The following BEND5 variants were observed in gnomAD, a reference collection of about 807,000 sequenced individuals.
BEND5 encodes the protein BEN domain-containing protein 5.
In BEND5, 22 loss-of-function variants were observed where a neutral mutation model predicts 43.9. That is an observed-to-expected ratio of 0.50 (90% CI 0.36 to 0.72). The LOEUF is 0.72. BEND5 is among the 30% of genes least tolerant of loss of function. The pLI is 0.00. For synonymous variants in BEND5, 228 were observed against 225.9 expected (o/e 1.01, Z -0.08); for missense variants, 428 against 550.6 (o/e 0.78, Z 2.23).
At chr1:48,737,289 G>GAAAAAAGA (rs1649225313) in intron 4 of BEND5, among the ~76,000 whole-genome samples, 1 of 150,964 alleles carries the variant, frequency 6.6e-6, no homozygotes, top group Non-Finnish European at 1.5e-5. Context: ...GTCTCAAAAA[G>GAAAAAAGA]AAAAAAGAAA....
At chr1:48,744,463 G>A (rs564243012) in intron 3 of BEND5, among the ~76,000 whole-genome samples, 1 of 152,256 alleles carries the variant, frequency 6.6e-6, no homozygotes, top group East Asian at 1.9e-4. Context: ...AGCTGAGTTG[G>A]CGTGTGAAGT....
intron 5 of BEND5, among the ~76,000 whole-genome samples, chr1:48,734,420 C>G (rs904411653): frequency 3.3e-5 from 5 of 152,194 alleles, no homozygotes; most frequent in African/African-American, 1.2e-4. Context: ...CATCTCTCAC[C>G]AAGAGCACTG....
chr1:48,754,422 A>T (rs1233863727), intron 3 of BEND5, among the ~76,000 whole-genome samples: 6 of 152,226 alleles, frequency 3.9e-5, no homozygotes, highest in African/African-American at 1.4e-4. Flanking sequence ...CCAGTCCTGG[A>T]ACAAAGGATA....
At chr1:48,776,096 G>A (rs1645065796) in intron 1 of BEND5, among the ~76,000 whole-genome samples, 1 of 152,168 alleles carries the variant, frequency 6.6e-6, no homozygotes, top group African/African-American at 2.4e-5. Flanking sequence ...TCTGTGAGGA[G>A]GGACTCCCAC....
chr1:48,772,371 C>A (rs1486417676), intron 1 of BEND5, among the ~76,000 whole-genome samples: 1 of 152,186 alleles, frequency 6.6e-6, no homozygotes. Context: ...GGGGGCTGGA[C>A]CACAAACTTC....
chr1:48,745,213 A>G (rs1223231018), intron 3 of BEND5, among the ~76,000 whole-genome samples: 1 of 152,144 alleles, frequency 6.6e-6, no homozygotes, highest in Non-Finnish European at 1.5e-5. Flanking sequence ...GGCTGGGAGA[A>G]AGATTCTGAA....
intron 4 of BEND5, among the ~76,000 whole-genome samples, chr1:48,738,635 T>C (rs1169039154): frequency 6.6e-6 from 1 of 152,224 alleles, no homozygotes; most frequent in Admixed American, 6.5e-5. Flanking sequence ...CATTAAATTC[T>C]GAATCAGAAA....
chr1:48,765,964 T>C (rs1041550819), intron 1 of BEND5, among the ~76,000 whole-genome samples: 2 of 152,208 alleles, frequency 1.3e-5, no homozygotes, highest in Non-Finnish European at 2.9e-5. Flanking sequence ...ATTTTCTTTT[T>C]GGGTGATAAA....
intron 3 of BEND5, among the ~76,000 whole-genome samples, chr1:48,744,712 C>T (rs906792751): frequency 6.6e-6 from 1 of 152,240 alleles, no homozygotes; most frequent in African/African-American, 2.4e-5. Context: ...ATGACCCTGT[C>T]TTTCCTTGCT....
chr1:48,739,087 T>C (rs1649512185), intron 4 of BEND5, among the ~76,000 whole-genome samples: 1 of 152,154 alleles, frequency 6.6e-6, no homozygotes, highest in Non-Finnish European at 1.5e-5. Context: ...ACCTAACACA[T>C]CAATGTTCAG....
intron 3 of BEND5, among the ~76,000 whole-genome samples, chr1:48,755,149 T>C (rs1652349849): frequency 6.6e-6 from 1 of 152,128 alleles, no homozygotes; most frequent in Non-Finnish European, 1.5e-5. Context: ...CACCCTTGGG[T>C]GTGGCTCCAC....
intron 4 of BEND5, among the ~76,000 whole-genome samples, chr1:48,740,963 C>T (rs1368432348): frequency 1.3e-5 from 2 of 152,166 alleles, no homozygotes; most frequent in Non-Finnish European, 2.9e-5. Context: ...AATGAAAAAA[C>T]AAAATAGGCA....
intron 1 of BEND5, among the ~76,000 whole-genome samples, chr1:48,776,252 G>A (rs934038247): frequency 6.6e-6 from 1 of 152,226 alleles, no homozygotes; most frequent in Admixed American, 6.5e-5. Flanking sequence ...TAAAGAGAAG[G>A]TGAGAGAGAA....
intron 2 of BEND5, 151 bp from the exon 3 acceptor site, chr1:48,759,435 CATTTTATAAATGGGGAAACATTTTATAA>C: frequency 1.5e-6 from 2 of 1,313,108 alleles, no homozygotes; most frequent in South Asian, 1.6e-5. Context: ...CAAAGCCCTT[CATTTTATAAATGGGGAAACATTTTATAA>C]ATTTTATAAA....
chr1:48,742,771 C>A lies in BEND5; in HGVS notation c.746G>T (p.Gly249Val). Residue 249 changes from glycine to valine, a missense_variant and splice_region_variant, in exon 4 of 6, where the codon GGT becomes GTT. Transcript: ENST00000371833. The stretch of plus-strand genomic sequence containing the variant: ...TACTTTTTCCAGATCAATGGCGGGA[C>A]CTAGGCAGTTAAGAAAAGAAATCTG... The part of the protein sequence containing the change: ...QDVLLLRLGS[G>V]PAIDLEKVKS... The A allele has an allele frequency of 6.4e-7, 1 of 1,573,922 alleles. No homozygotes were observed. Among genetic ancestry groups the A allele is most frequent in the Non-Finnish European group, 8.6e-7 (1 of 1,157,890 alleles).
chr1:48,752,370 T>G (rs1651879749), intron 3 of BEND5, among the ~76,000 whole-genome samples: 1 of 152,118 alleles, frequency 6.6e-6, no homozygotes, highest in Non-Finnish European at 1.5e-5. Flanking sequence ...ATGGGGTGGT[T>G]GAGAGCTAGA....
At position 48,750,090 on chromosome 1, in the gene BEND5, C is replaced by T. The variant is rs758450617; in HGVS notation, c.746-7319G>A. 1.2e-4 allele frequency among the ~76,000 whole-genome samples: 18 copies of T among 152,324 alleles called. No individual in the cohort carries two copies. In the Middle Eastern group the frequency reaches 0.01, roughly 86 times the overall value. On this transcript the variant is annotated intron_variant, in intron 3 of 5. Coordinates refer to ENST00000371833, the MANE Select transcript of BEND5 (RefSeq NM_024603.4). ...AATCAATCCATGACCCTGACCTCTG[C>T]TGATACTCCCTTCAGGCCATGAGCC...
In BEND5 at chr1:48,776,342, G is replaced by A. The variant is rs891690358; in HGVS notation, c.226+264C>T. 5.3e-5 allele frequency among the ~76,000 whole-genome samples: 8 copies of A among 152,320 alleles called. No homozygotes were observed. The Middle Eastern group carries it at 0.01, about 194-fold the overall frequency. ...ACAAAGAATCAGAAAGAGGAGGACA[G>A]ACACAGATGAAGAGATGAAGACGGA... On this transcript the variant is annotated intron_variant, in intron 1 of 5. Transcript: ENST00000371833.
chr1:48,772,780 T>C (rs931405958), intron 1 of BEND5, among the ~76,000 whole-genome samples: 2 of 152,220 alleles, frequency 1.3e-5, no homozygotes, highest in Admixed American at 1.3e-4. Context: ...TAAGAGCTGA[T>C]GCTGACCTGA....
Sources: allele counts gnomAD v4.1 joint callset (sites outside exome capture counted in the v4.1 genomes callset), GRCh38; gene constraint gnomAD v4.1.1; transcripts MANE v1.5; gene names NCBI Gene and HGNC (gene_info 2026-07-23, HGNC 2026-07-21).